Variants in CNGA1 observed in about 807,000 individuals in gnomAD.
CNGA1 encodes the protein cyclic nucleotide-gated channel alpha-1.
CNGA1 carries 53 observed loss-of-function variants against 69.7 expected under a neutral mutation model. The ratio of observed to expected loss-of-function variants is 0.76; its 90% CI spans 0.61 to 0.96. The LOEUF (loss-of-function observed/expected upper bound fraction) is 0.96. CNGA1 is among the 40% of genes least tolerant of loss of function. CNGA1 has a pLI of 0.00. For missense variants in CNGA1, 739 were observed against 811.2 expected (o/e 0.91, Z 1.08); for synonymous variants, 249 against 283.5 (o/e 0.88, Z 1.22).
At chr4:47,938,439 G>A (rs1738827267) in intron 10 of CNGA1, among the ~76,000 whole-genome samples, 1 of 150,934 alleles carries the variant, frequency 6.6e-6, no homozygotes, top group Non-Finnish European at 1.5e-5. Context: ...TGTCACCTAG[G>A]CTGGAGTGCA....
At chr4:47,982,775 A>C (rs1673455777) in intron 2 of CNGA1, among the ~76,000 whole-genome samples, 1 of 151,956 alleles carries the variant, frequency 6.6e-6, no homozygotes, top group Non-Finnish European at 1.5e-5. Context: ...ATTATTGGAT[A>C]TTTTTTCCTC....
chr4:47,958,613 C>T (rs1412126600), intron 3 of CNGA1, among the ~76,000 whole-genome samples: 2 of 141,150 alleles, frequency 1.4e-5, no homozygotes, highest in African/African-American at 5.3e-5. Flanking sequence ...CAAAGCAAGA[C>T]TCCGCCTCAA....
Position 47,962,433 on chromosome 4 carries a change from G to C in CNGA1, c.-14-9730C>G, listed in dbSNP as rs982208936. ...ATATTGTTGAAAATGAAAAAAAAAA[G>C]TATACGTTTTTAGTGATGCCATTCT... On this transcript the variant is annotated intron_variant, in intron 3 of 10. Transcript: ENST00000514170. 1.4e-4 allele frequency among the ~76,000 whole-genome samples: 21 copies of C among 149,878 alleles called. No homozygotes were observed. The East Asian group carries it at 3.5e-3, about 25-fold the overall frequency.
At chr4:48,009,798 C>G (rs1333033174) in intron 2 of CNGA1, among the ~76,000 whole-genome samples, 1 of 152,066 alleles carries the variant, frequency 6.6e-6, no homozygotes, top group Non-Finnish European at 1.5e-5. Context: ...GAGCGAAGCT[C>G]CATCTCAAAA....
At chr4:47,965,570 G>A (rs1426790808) in intron 3 of CNGA1, among the ~76,000 whole-genome samples, 1 of 151,850 alleles carries the variant, frequency 6.6e-6, no homozygotes, top group African/African-American at 2.4e-5. Flanking sequence ...GGGATTACAG[G>A]TGCCCACCAC....
At chr4:47,962,528 G>C (rs1740507122) in intron 3 of CNGA1, among the ~76,000 whole-genome samples, 1 of 152,006 alleles carries the variant, frequency 6.6e-6, no homozygotes, top group Admixed American at 6.6e-5. Flanking sequence ...ACTCTATTCA[G>C]GTAATTCTCA....
intron 3 of CNGA1, among the ~76,000 whole-genome samples, chr4:47,956,662 C>T (rs10002500): frequency 0.19 from 28,396 of 151,696 alleles, 3,145 homozygotes; most frequent in East Asian, 0.32. Flanking sequence ...TGCTGTAGAA[C>T]ATTGGAAATG....
chr4:47,987,422 A>G (rs1267310844), intron 2 of CNGA1, among the ~76,000 whole-genome samples: 6 of 152,222 alleles, frequency 3.9e-5, no homozygotes, highest in Non-Finnish European at 8.8e-5. Flanking sequence ...AATTGTTTAT[A>G]TCTATTTCCC....
chr4:47,937,478 T>C lies in CNGA1; in HGVS notation c.1004A>G (p.Asp335Gly). 1.9e-6 allele frequency: 3 copies of C among 1,614,110 alleles called. No individual in the cohort carries two copies. Among genetic ancestry groups the C allele is most frequent in the Non-Finnish European group, 2.5e-6 (3 of 1,180,006 alleles). ...NDTWVYPDINDPEFGRLARKY... is the reference protein window; with the variant it reads ...NDTWVYPDINGPEFGRLARKY... ...TCTAGCCAAACGGCCAAATTCAGGA[T>C]CATTAATATCAGGGTAGACCCATGT... Residue 335 changes from aspartate to glycine, a missense_variant, in exon 11 of 11, where the codon GAT (aspartate) becomes GGT (glycine). Coordinates refer to ENST00000514170, the MANE Select transcript of CNGA1 (RefSeq NM_001379270.1).
chr4:47,975,665 A>C (rs1008341483), intron 3 of CNGA1, among the ~76,000 whole-genome samples: 17 of 152,170 alleles, frequency 1.1e-4, no homozygotes, highest in African/African-American at 4.1e-4. Context: ...AACTGGGAAT[A>C]TTTGTCAATA....
chr4:47,988,932 AC>A (rs1371194673), intron 2 of CNGA1, among the ~76,000 whole-genome samples: 1 of 152,132 alleles, frequency 6.6e-6, no homozygotes, highest in Admixed American at 6.6e-5. Flanking sequence ...TCAAGGGTCA[AC>A]TTTAAATAGA....
chr4:47,940,709 A>G (rs1739021457), intron 10 of CNGA1, 54 bp downstream of exon 10: 4 of 1,158,638 alleles, frequency 3.5e-6, no homozygotes, highest in South Asian at 2.6e-5. Context: ...TCAAATTACA[A>G]TGCTAGAGAT....
intron 2 of CNGA1, among the ~76,000 whole-genome samples, chr4:48,006,291 T>A (rs321644): frequency 6.6e-6 from 1 of 151,956 alleles, no homozygotes; most frequent in African/African-American, 2.4e-5. Flanking sequence ...AATAATTGTC[T>A]GTGGATGACA....
chr4:47,997,260 C>T (rs1396178941), intron 2 of CNGA1, among the ~76,000 whole-genome samples: 1 of 152,156 alleles, frequency 6.6e-6, no homozygotes, highest in Non-Finnish European at 1.5e-5. Context: ...TTTGTTGCTG[C>T]TGCCACTTCT....
chr4:47,992,984 G>A (rs777551650), intron 2 of CNGA1, among the ~76,000 whole-genome samples: 14 of 152,180 alleles, frequency 9.2e-5, no homozygotes, highest in Middle Eastern at 3.4e-3. Context: ...TTTATGTGGT[G>A]TATCACATTT....
chr4:47,990,947 C>T (rs889889937), intron 2 of CNGA1, among the ~76,000 whole-genome samples: 13 of 152,214 alleles, frequency 8.5e-5, no homozygotes, highest in African/African-American at 2.9e-4. Flanking sequence ...TCACTAATCT[C>T]ATCTAGGTAG....
intron 9 of CNGA1, 71 bp from the exon 10 acceptor site, chr4:47,940,940 A>G: frequency 5.9e-6 from 6 of 1,017,640 alleles, no homozygotes; most frequent in Non-Finnish European, 6.1e-6. Context: ...TTCTCTTTGT[A>G]TATTTTCTTT....
chr4:47,974,781 T>G (rs1371943232), intron 3 of CNGA1, among the ~76,000 whole-genome samples: 1 of 152,118 alleles, frequency 6.6e-6, no homozygotes, highest in Non-Finnish European at 1.5e-5. Context: ...GTGCCTGCTC[T>G]GCAAAAGAGA....
intron 2 of CNGA1, among the ~76,000 whole-genome samples, chr4:47,984,772 G>T (rs1025670817): frequency 6.6e-5 from 10 of 151,538 alleles, no homozygotes; most frequent in African/African-American, 2.4e-4. Flanking sequence ...TAGCATTCAT[G>T]AAAGTACTCA....
Sources: allele counts gnomAD v4.1 joint callset (sites outside exome capture counted in the v4.1 genomes callset), GRCh38; gene constraint gnomAD v4.1.1; transcripts MANE v1.5; gene names NCBI Gene and HGNC (gene_info 2026-07-23, HGNC 2026-07-21).